Variants in NSMCE4A observed in about 807,000 individuals in gnomAD.
The protein encoded by NSMCE4A is non-structural maintenance of chromosomes element 4 homolog A.
A neutral mutation model predicts 47.9 loss-of-function variants in NSMCE4A; 40 were observed. The ratio of observed to expected loss-of-function variants is 0.83; its 90% CI spans 0.65 to 1.09. The LOEUF (loss-of-function observed/expected upper bound fraction) is 1.09, where lower values mean the gene tolerates loss of function less well. Ranked by LOEUF, NSMCE4A falls within the 50% of genes least tolerant of loss-of-function variation. The pLI is 0.00. For synonymous variants in NSMCE4A, 166 were observed against 178.5 expected (o/e 0.93, Z 0.56); for missense variants, 500 against 507.0 (o/e 0.99, Z 0.13).
rs909410894 is a variant in NSMCE4A at position 121,971,155 on chromosome 10, G to A, written c.371-86C>T. The A allele has an allele frequency of 7.2e-6, 8 of 1,110,916 alleles. No individual in the cohort carries two copies. The Admixed American group carries it at 8.6e-5, about 12-fold the overall frequency. 68.8% of individuals were successfully genotyped at this position (1,110,916 alleles called of 1,614,324 possible). On this transcript the variant is annotated intron_variant, in intron 2 of 10. Coordinates refer to ENST00000369023, the MANE Select transcript of NSMCE4A (RefSeq NM_017615.3). ...CCCTACATTTCCAACTACTTACCAGGATTTCCCACTGGACTAAAAAAAAAA... is the reference window on the plus strand; with the variant it reads ...CCCTACATTTCCAACTACTTACCAGAATTTCCCACTGGACTAAAAAAAAAA...
intron 5 of NSMCE4A, among the ~76,000 whole-genome samples, chr10:121,963,897 G>C (rs1384340846): frequency 6.6e-6 from 1 of 150,750 alleles, no homozygotes; most frequent in Non-Finnish European, 1.5e-5. Context: ...AGGAGTTCGA[G>C]ACCAGCCTGG....
chr10:121,965,813 A>C, intron 4 of NSMCE4A: 1 of 158,418 alleles, frequency 6.3e-6, no homozygotes, highest in Non-Finnish European at 1.4e-5. Context: ...GGACTACAGA[A>C]CACATCTGTC....
chr10:121,962,674 G>A (rs574925344), intron 6 of NSMCE4A, among the ~76,000 whole-genome samples: 4 of 151,418 alleles, frequency 2.6e-5, no homozygotes, highest in Middle Eastern at 3.4e-3. Flanking sequence ...GTGCAATGGC[G>A]TGATCTTGGC....
chr10:121,972,822 GAAT>G (rs2134789418), intron 2 of NSMCE4A, among the ~76,000 whole-genome samples: 1 of 152,294 alleles, frequency 6.6e-6, no homozygotes, highest in South Asian at 2.1e-4. Flanking sequence ...CTAAGATGGG[GAAT>G]GGTAAGGAGG....
chr10:121,974,269 G>C, intron 1 of NSMCE4A, 188 bp from the exon 2 acceptor site: 1 of 1,405,714 alleles, frequency 7.1e-7, no homozygotes, highest in Non-Finnish European at 9.3e-7. Context: ...CCTTTATGCA[G>C]CATGAATTTT....
intron 10 of NSMCE4A, 129 bp downstream of exon 10, chr10:121,959,195 C>G (rs1483659338): frequency 1.3e-6 from 1 of 747,940 alleles, no homozygotes; most frequent in Non-Finnish European, 2.4e-6. Flanking sequence ...ACCTGTTACA[C>G]ACAGTTCTAA....
intron 3 of NSMCE4A, among the ~76,000 whole-genome samples, chr10:121,968,504 A>G (rs576099003): frequency 6.6e-6 from 1 of 152,304 alleles, no homozygotes; most frequent in African/African-American, 2.4e-5. Context: ...ATCTCAGTAT[A>G]TCCAGAGAGC....
chr10:121,960,986 G>A lies in NSMCE4A; in HGVS notation c.939+437C>T, dbSNP rs1023182192. Among the ~76,000 whole-genome samples the A allele has an allele frequency of 6.6e-6, 1 of 152,058 alleles. No homozygotes were observed. Among genetic ancestry groups the A allele is most frequent in the Non-Finnish European group, 1.5e-5 (1 of 68,002 alleles). On this transcript the variant is annotated intron_variant, in intron 7 of 10. Coordinates refer to ENST00000369023, the MANE Select transcript of NSMCE4A (RefSeq NM_017615.3). This position sits in a 1 kb window ranked among gnomAD's most constrained non-coding sequence, Gnocchi z 4.2. ...TATCCTTTACCCATATTCATCAGTCGTTAAAGTGTTAGTTACCACGTTTAC... is the reference window on the plus strand; with the variant it reads ...TATCCTTTACCCATATTCATCAGTCATTAAAGTGTTAGTTACCACGTTTAC...
chr10:121,974,811 G>T (rs1391750990), intron 1 of NSMCE4A, 63 bp downstream of exon 1: 1 of 1,243,748 alleles, frequency 8.0e-7, no homozygotes, highest in African/African-American at 1.6e-5. Context: ...CTCCCCCCGC[G>T]CCCGGCGCAG....
rs866135179 is a variant in NSMCE4A, at chr10:121,967,668, T to C, written c.640A>G (p.Thr214Ala). The change falls in exon 4 of 11, where the codon ACA becomes GCA. Residue 214 changes from threonine (T) to alanine (A), a missense_variant. Thr to Ala is a moderately conservative substitution (Grantham distance 58). Coordinates refer to ENST00000369023, the MANE Select transcript of NSMCE4A (RefSeq NM_017615.3). ...TAENTFNKTH[T>A]FHFLLGSIYG... ...AAATAATCTTACAGAAAGTGGAATG[T>C]ATGGGTTTTATTAAAGGTGTTTTCT... 3 of 1,609,614 alleles carry C rather than the reference T, an allele frequency of 1.9e-6. No homozygotes were observed. The highest frequency in any genetic ancestry group is 1.3e-5 in the African/African-American group (1 of 74,852).
chr10:121,958,380 T>A (rs1247765729), intron 10 of NSMCE4A, among the ~76,000 whole-genome samples: 2 of 148,100 alleles, frequency 1.4e-5, no homozygotes, highest in East Asian at 4.0e-4. Context: ...AAATGTCAGA[T>A]CATTATTAAG....
intron 3 of NSMCE4A, among the ~76,000 whole-genome samples, chr10:121,969,996 G>A (rs1458276120): frequency 1.3e-5 from 2 of 152,116 alleles, no homozygotes; most frequent in Non-Finnish European, 2.9e-5. Flanking sequence ...GATTACAGGC[G>A]TGAGCCACTG....
At position 121,965,386 on chromosome 10, in the gene NSMCE4A, C is replaced by T; in HGVS notation, c.654-1G>A. 1 of 1,603,348 alleles carries T rather than the reference C, an allele frequency of 6.2e-7. No individual in the cohort carries two copies. Among genetic ancestry groups the T allele is most frequent in the Non-Finnish European group, 8.5e-7 (1 of 1,175,688 alleles). On this transcript the variant is annotated splice_acceptor_variant, in intron 4 of 10. Transcript: ENST00000369023. LOFTEE classifies it high-confidence loss of function. ...GCACTCTCCGTATATTGAACCCAAC[C>T]TAATGAAAAGTATGCTTTCATTTAT...
chr10:121,964,906 A>T (rs1345926469), intron 5 of NSMCE4A, among the ~76,000 whole-genome samples: 1 of 152,208 alleles, frequency 6.6e-6, no homozygotes, highest in Non-Finnish European at 1.5e-5. Flanking sequence ...TTGTTGTCAC[A>T]TGTAGACATT....
Position 121,960,858 on chromosome 10 carries a change from T to C in NSMCE4A, c.940-452A>G, listed in dbSNP as rs1564990629. ...ACCTGAAGTAAGATTAAAGATAGTC[T>C]AAAGCAAATTTCCATGGTACATATC... is the stretch of plus-strand genomic sequence containing the variant. On this transcript the variant is annotated intron_variant, in intron 7 of 10. Transcript: ENST00000369023. This position sits in a 1 kb window ranked among gnomAD's most constrained non-coding sequence, Gnocchi z 4.2. Among the ~76,000 whole-genome samples, 1 of 152,316 alleles carries C rather than the reference T, an allele frequency of 6.6e-6. No individual in the cohort carries two copies. Among genetic ancestry groups the C allele is most frequent in the East Asian group, 1.9e-4 (1 of 5,190 alleles).
chr10:121,971,182 A>AAAG, intron 2 of NSMCE4A, 113 bp from the exon 3 acceptor site: 1 of 1,082,748 alleles, frequency 9.2e-7, no homozygotes, highest in Non-Finnish European at 1.3e-6. Context: ...AAAAAAAAAA[A>AAAG]AAATCTCAAT....
intron 3 of NSMCE4A, among the ~76,000 whole-genome samples, chr10:121,968,851 C>T (rs1952653270): frequency 6.6e-6 from 1 of 152,158 alleles, no homozygotes; most frequent in Non-Finnish European, 1.5e-5. Context: ...GCCCGAACTA[C>T]CACTGCACCC....
chr10:121,971,439 A>G (rs755057161), intron 2 of NSMCE4A, among the ~76,000 whole-genome samples: 3 of 152,170 alleles, frequency 2.0e-5, no homozygotes, highest in Admixed American at 6.5e-5. Context: ...CCCGGGAGGC[A>G]GAGCTTGCAG....
chr10:121,973,184 C>T (rs1952748386), intron 2 of NSMCE4A, among the ~76,000 whole-genome samples: 1 of 150,194 alleles, frequency 6.7e-6, no homozygotes, highest in African/African-American at 2.5e-5. Flanking sequence ...TGCAGTGAGC[C>T]GAGATTGTGC....
Sources: allele counts gnomAD v4.1 joint callset (sites outside exome capture counted in the v4.1 genomes callset), GRCh38; gene constraint gnomAD v4.1.1; non-coding constraint Gnocchi (gnomAD v3.1); transcripts MANE v1.5; gene names NCBI Gene and HGNC (gene_info 2026-07-23, HGNC 2026-07-21).